Variants in PTGES3 observed in about 807,000 individuals in gnomAD.
PTGES3 encodes the protein Hsp90 co-chaperone.
A neutral mutation model predicts 29.9 loss-of-function variants in PTGES3; 5 were observed. The observed-to-expected ratio is 0.17, with a 90% CI of 0.09 to 0.35. The LOEUF (loss-of-function observed/expected upper bound fraction) is 0.35. PTGES3 is among the 10% of genes least tolerant of loss of function. The probability of loss-of-function intolerance (pLI) is 1.00; values close to 1 mark genes in which losing one functional copy is unlikely to be tolerated. For synonymous variants in PTGES3, 49 were observed against 57.8 expected, an observed-to-expected ratio of 0.85 and a Z score of 0.69; for missense variants, 128 against 190.0, an observed-to-expected ratio of 0.67 and a Z score of 1.92.
intron 3 of PTGES3, 143 bp downstream of exon 3, chr12:56,672,597 A>G (rs1952049724): frequency 9.5e-7 from 1 of 1,056,074 alleles, no homozygotes; most frequent in Non-Finnish European, 1.3e-6. Flanking sequence ...CCAATTTTGG[A>G]GGAAATATTC....
intron 1 of PTGES3, chr12:56,686,754 C>T (rs1209293682): frequency 7.6e-6 from 3 of 397,070 alleles, no homozygotes; most frequent in Non-Finnish European, 1.3e-5. Context: ...ACATGCTGTG[C>T]TCTAGAAGCT....
At chr12:56,687,187 T>C (rs1952915361) in intron 1 of PTGES3, 7 of 1,056,348 alleles carry the variant, frequency 6.6e-6, no homozygotes, top group Non-Finnish European at 6.9e-6. Context: ...CGACTGTAGG[T>C]TAATTAAATG....
chr12:56,673,831 T>TG (rs1218361505), intron 1 of PTGES3, among the ~76,000 whole-genome samples: 1 of 147,700 alleles, frequency 6.8e-6, no homozygotes, highest in East Asian at 2.0e-4. Context: ...GGCATGGTGA[T>TG]GCAGGCCTGT....
chr12:56,687,449 A>G (rs1372829944), intron 1 of PTGES3: 29 of 988,068 alleles, frequency 2.9e-5, no homozygotes, highest in African/African-American at 3.5e-5. Flanking sequence ...TGGAGAGGGA[A>G]GTATGTTGCG....
chr12:56,684,576 C>G (rs1453971679), intron 1 of PTGES3, among the ~76,000 whole-genome samples: 3 of 152,190 alleles, frequency 2.0e-5, no homozygotes, highest in Non-Finnish European at 4.4e-5. Context: ...AGTTTCTGGA[C>G]AACTTCCTAA....
chr12:56,686,425 G>C (rs1472629273), intron 1 of PTGES3, among the ~76,000 whole-genome samples: 1 of 152,096 alleles, frequency 6.6e-6, no homozygotes, highest in South Asian at 2.1e-4. Context: ...CCAGGCTGGA[G>C]TGCAATGGCA....
At chr12:56,672,607 C>A in intron 3 of PTGES3, 133 bp downstream of exon 3, 1 of 1,096,674 alleles carries the variant, frequency 9.1e-7, no homozygotes, top group Non-Finnish European at 1.2e-6. Context: ...AGGAAATATT[C>A]TACAAAATGT....
intron 1 of PTGES3, among the ~76,000 whole-genome samples, chr12:56,677,740 T>C (rs1182458701): frequency 1.3e-5 from 2 of 152,128 alleles, no homozygotes; most frequent in Non-Finnish European, 1.5e-5. Flanking sequence ...TTTTAGAAGA[T>C]GAAACTTAAT....
chr12:56,671,862 A>G lies in PTGES3; in HGVS notation c.187-15T>C, dbSNP rs199698720. 1.1e-4 allele frequency: 150 copies of G among 1,410,446 alleles called. No homozygotes were observed. In the African/African-American group the frequency reaches 2.0e-3, roughly 19 times the overall value. The allele number at this position is 1,410,446 out of a possible 1,614,324, so 87.4% of individuals were successfully genotyped here. ...TGCTTGGAATCCTAAAAACAAAAGG[A>G]CCATCATACCATTTATCTTTCCAGC... On this transcript the variant is annotated splice_polypyrimidine_tract_variant and intron_variant, in intron 3 of 7. Coordinates refer to ENST00000262033, the MANE Select transcript of PTGES3 (RefSeq NM_006601.7).
In PTGES3 at chr12:56,671,809, A is replaced by G; in HGVS notation, c.225T>C (p.Cys75=). 2 of 1,578,156 alleles carry G rather than the reference A, an allele frequency of 1.3e-6. No homozygotes were observed. Among genetic ancestry groups the G allele is most frequent in the South Asian group, 1.2e-5 (1 of 84,782 alleles). The part of the protein sequence containing the change: ...KHKRTDRSIL[C]CLRKGESGQS... Reference sequence around the variant, plus strand: ...GGCCAGATTCTCCTTTTCGTAAACAACATAAAATTGATCTGTCCGTTCTTT... The same window carrying G: ...GGCCAGATTCTCCTTTTCGTAAACAGCATAAAATTGATCTGTCCGTTCTTT... The change falls in exon 4 of 8, where the codon TGT becomes TGC. Residue 75 remains cysteine, a synonymous_variant. Transcript: ENST00000262033.
chr12:56,665,802 G>A (rs949587790), intron 6 of PTGES3: 25 of 696,234 alleles, frequency 3.6e-5, no homozygotes, highest in Non-Finnish European at 4.4e-5. Context: ...CATCATGTCT[G>A]GCTAAGTTTT....
At chr12:56,686,286 A>G (rs146108801) in intron 1 of PTGES3, among the ~76,000 whole-genome samples, 4 of 152,208 alleles carry the variant, frequency 2.6e-5, no homozygotes, top group Non-Finnish European at 5.9e-5. Flanking sequence ...AGATTTTCAG[A>G]GTATGAAAGG....
At chr12:56,683,253 G>A (rs1306064497) in intron 1 of PTGES3, among the ~76,000 whole-genome samples, 1 of 151,614 alleles carries the variant, frequency 6.6e-6, no homozygotes, top group Non-Finnish European at 1.5e-5. Flanking sequence ...CTGAGGCCGA[G>A]GCGGGTGATC....
chr12:56,667,487 T>C (rs944862551), intron 5 of PTGES3, among the ~76,000 whole-genome samples: 3 of 152,096 alleles, frequency 2.0e-5, no homozygotes, highest in Admixed American at 6.6e-5. Flanking sequence ...CATTCAGCCT[T>C]AAAGAAAAAA....
At chr12:56,668,635 G>A (rs886549783) in intron 5 of PTGES3, among the ~76,000 whole-genome samples, 2 of 152,118 alleles carry the variant, frequency 1.3e-5, no homozygotes, top group Non-Finnish European at 2.9e-5. Context: ...AATATGAATA[G>A]AACATCCTCC....
At chr12:56,668,216 A>C (rs1466538888) in intron 5 of PTGES3, among the ~76,000 whole-genome samples, 2 of 152,210 alleles carry the variant, frequency 1.3e-5, no homozygotes, top group Non-Finnish European at 2.9e-5. Flanking sequence ...AATTTTGGGC[A>C]ATCTATCTTG....
intron 4 of PTGES3, among the ~76,000 whole-genome samples, chr12:56,671,196 C>A (rs1053684747): frequency 1.3e-5 from 2 of 152,060 alleles, no homozygotes; most frequent in African/African-American, 4.8e-5. Flanking sequence ...CCCAGAAGTT[C>A]AAGACCAAGC....
intron 4 of PTGES3, chr12:56,670,615 C>T (rs17444799): frequency 0.067 from 27,168 of 407,322 alleles, 994 homozygotes; most frequent in African/African-American, 0.093. Flanking sequence ...GGGACAACAC[C>T]GTACTGATGT....
chr12:56,676,229 C>A (rs1467605224), intron 1 of PTGES3, among the ~76,000 whole-genome samples: 4 of 68,870 alleles, frequency 5.8e-5, no homozygotes, highest in African/African-American at 1.6e-4. Flanking sequence ...GTGTCTCCCC[C>A]CCCAAAAAAA....
Sources: allele counts gnomAD v4.1 joint callset (sites outside exome capture counted in the v4.1 genomes callset), GRCh38; gene constraint gnomAD v4.1.1; transcripts MANE v1.5; gene names NCBI Gene and HGNC (gene_info 2026-07-23, HGNC 2026-07-21).